The following PAX5 variants were observed in gnomAD, a reference collection of about 807,000 sequenced individuals.
PAX5 encodes paired box protein Pax-5.
In PAX5, 9 loss-of-function variants were observed where a neutral mutation model predicts 43.7. The observed-to-expected ratio is 0.21, with a 90% CI of 0.12 to 0.36. PAX5 has a LOEUF of 0.36. Among genes scored for constraint, PAX5 ranks in the 10% least tolerant of loss-of-function variants. The pLI, the probability that PAX5 is intolerant of heterozygous loss-of-function variation, is 1.00. For synonymous variants in PAX5, 228 were observed against 214.3 expected (o/e 1.06, Z -0.56); for missense variants, 383 against 532.7 (o/e 0.72, Z 2.77).
intron 5 of PAX5, among the ~76,000 whole-genome samples, chr9:36,997,665 C>T (rs986555576): frequency 3.9e-5 from 6 of 152,250 alleles, no homozygotes; most frequent in African/African-American, 7.2e-5. Flanking sequence ...GCTTCCTCGA[C>T]GAAAGCTCTC....
At chr9:36,977,390 T>C (rs550067988) in intron 5 of PAX5, among the ~76,000 whole-genome samples, 41 of 152,228 alleles carry the variant, frequency 2.7e-4, no homozygotes, top group African/African-American at 9.4e-4. Context: ...GGGTCCGAAC[T>C]CAAGCAGTCT....
At chr9:36,841,929 C>G (rs80238249) in intron 9 of PAX5, among the ~76,000 whole-genome samples, 1 of 152,060 alleles carries the variant, frequency 6.6e-6, no homozygotes, top group South Asian at 2.1e-4. Flanking sequence ...CGACCTGTAC[C>G]ATAACTGGGG....
chr9:37,030,568 C>T (rs935989743), intron 1 of PAX5, among the ~76,000 whole-genome samples: 6 of 152,198 alleles, frequency 3.9e-5, no homozygotes, highest in Admixed American at 6.5e-5. Flanking sequence ...GGCTTTGGGC[C>T]GGGCCCTGTG....
At chr9:36,910,621 T>C (rs947741399) in intron 7 of PAX5, among the ~76,000 whole-genome samples, 3 of 152,246 alleles carry the variant, frequency 2.0e-5, no homozygotes, top group Non-Finnish European at 4.4e-5. Flanking sequence ...GTTCAAAGCA[T>C]AGATGCCCGC....
chr9:36,992,997 C>A (rs999058059), intron 5 of PAX5, among the ~76,000 whole-genome samples: 1 of 152,180 alleles, frequency 6.6e-6, no homozygotes, highest in Non-Finnish European at 1.5e-5. Context: ...TATACATGTG[C>A]CATAGTGGTT....
At chr9:36,949,329 G>A (rs772295942) in intron 6 of PAX5, among the ~76,000 whole-genome samples, 4 of 152,132 alleles carry the variant, frequency 2.6e-5, no homozygotes, top group Non-Finnish European at 4.4e-5. Context: ...TAAAGTGCTG[G>A]GATTACAGGC....
At chr9:36,866,647 CTTCTT>C (rs1824912967) in intron 8 of PAX5, among the ~76,000 whole-genome samples, 1 of 152,194 alleles carries the variant, frequency 6.6e-6, no homozygotes, top group East Asian at 1.9e-4. Context: ...GACAAAATAG[CTTCTT>C]TTTTATTGCT....
chr9:36,971,373 G>A (rs1834914756), intron 5 of PAX5, among the ~76,000 whole-genome samples: 1 of 152,276 alleles, frequency 6.6e-6, no homozygotes, highest in East Asian at 1.9e-4. Flanking sequence ...CCAAAACTCA[G>A]CCCTTGCACA....
chr9:36,901,806 AAC>A (rs1331820008), intron 7 of PAX5, among the ~76,000 whole-genome samples: 1 of 152,176 alleles, frequency 6.6e-6, no homozygotes, highest in Non-Finnish European at 1.5e-5. Context: ...TCTTCTGTAA[AAC>A]GAGGGTCAAG....
chr9:36,932,740 G>C (rs1486232694), intron 6 of PAX5, among the ~76,000 whole-genome samples: 1 of 152,128 alleles, frequency 6.6e-6, no homozygotes, highest in East Asian at 1.9e-4. Context: ...TTTCAATAAA[G>C]CCATTAAAAG....
At chr9:36,877,257 C>T (rs2131735503) in intron 8 of PAX5, among the ~76,000 whole-genome samples, 1 of 152,308 alleles carries the variant, frequency 6.6e-6, no homozygotes, top group Admixed American at 6.5e-5. Context: ...ATCACCTGAG[C>T]CCAAGAAGTC....
chr9:36,980,482 C>T (rs1297739671), intron 5 of PAX5, among the ~76,000 whole-genome samples: 1 of 152,074 alleles, frequency 6.6e-6, no homozygotes, highest in African/African-American at 2.4e-5. Context: ...CATTGCACTG[C>T]CTCCCAGACA....
intron 9 of PAX5, among the ~76,000 whole-genome samples, chr9:36,842,464 C>T (rs1822151670): frequency 6.6e-6 from 1 of 152,180 alleles, no homozygotes; most frequent in Non-Finnish European, 1.5e-5. Context: ...CACCTCTCAC[C>T]CTGGACTCTG....
intron 8 of PAX5, among the ~76,000 whole-genome samples, chr9:36,849,533 T>G (rs1240990293): frequency 1.3e-5 from 2 of 152,238 alleles, no homozygotes; most frequent in African/African-American, 4.8e-5. Context: ...AATGAACGAA[T>G]GAGACTCCTA....
intron 2 of PAX5, among the ~76,000 whole-genome samples, chr9:37,018,570 C>A (rs1294710777): frequency 4.9e-4 from 35 of 70,970 alleles, no homozygotes; most frequent in East Asian, 8.0e-4. Context: ...CTTCAGTGAC[C>A]AAAAAAAAAA....
At chr9:36,972,395 G>A (rs954992797) in intron 5 of PAX5, among the ~76,000 whole-genome samples, 14 of 152,224 alleles carry the variant, frequency 9.2e-5, no homozygotes, top group African/African-American at 3.4e-4. Flanking sequence ...GAGCCTCAGA[G>A]ACCCCAGTAG....
At chr9:36,891,903 T>G (rs796590306) in intron 7 of PAX5, among the ~76,000 whole-genome samples, 30 of 152,312 alleles carry the variant, frequency 2.0e-4, no homozygotes, top group African/African-American at 7.0e-4. Context: ...CTAACCCTCC[T>G]CACTCCTTCC....
intron 7 of PAX5, among the ~76,000 whole-genome samples, chr9:36,909,969 G>A (rs940039696): frequency 2.6e-5 from 4 of 151,762 alleles, no homozygotes; most frequent in African/African-American, 7.3e-5. Flanking sequence ...CTATGGGCAC[G>A]CACCACCACA....
chr9:36,891,734 A>G (rs576766430), intron 7 of PAX5, among the ~76,000 whole-genome samples: 1 of 152,200 alleles, frequency 6.6e-6, no homozygotes, highest in Non-Finnish European at 1.5e-5. Flanking sequence ...TGACTTAGGA[A>G]TAGTAACCCT....
Sources: allele counts gnomAD v4.1 joint callset (sites outside exome capture counted in the v4.1 genomes callset), GRCh38; gene constraint gnomAD v4.1.1; transcripts MANE v1.5; gene names NCBI Gene and HGNC (gene_info 2026-07-23, HGNC 2026-07-21).